ARHGEF28: variants seen among roughly 807,000 people sequenced by gnomAD.
ARHGEF28 encodes 190 kDa guanine nucleotide exchange factor.
ARHGEF28 carries 152 observed loss-of-function variants against 206.6 expected under a neutral mutation model. The ratio of observed to expected loss-of-function variants is 0.74; its 90% CI spans 0.64 to 0.84. The LOEUF is 0.84. ARHGEF28 is among the 40% of genes least tolerant of loss of function. The pLI is 0.00. For missense variants in ARHGEF28, 2,028 were observed against 2,073.2 expected, an observed-to-expected ratio of 0.98 and a Z score of 0.42; for synonymous variants, 763 against 776.4, an observed-to-expected ratio of 0.98 and a Z score of 0.29.
chr5:73,806,416 A>ATATATACTATATATAGTATGTATATAG lies in ARHGEF28; in HGVS notation c.1024+11032_1024+11058dup, dbSNP rs1580643560. Among the ~76,000 whole-genome samples, 4 of 128,714 alleles carry ATATATACTATATATAGTATGTATATAG rather than the reference A, an allele frequency of 3.1e-5. No homozygotes were observed. The East Asian group carries it at 8.9e-4, about 29-fold the overall frequency. 84.4% of individuals were successfully genotyped at this position (128,714 alleles called of 152,430 possible). A position where few individuals can be genotyped will look rare whatever the true frequency, so the allele number is the denominator to read the frequency against. On this transcript the variant is annotated intron_variant, in intron 9 of 35. Transcript: ENST00000513042. ...TATATATACATATATAGATATATAG[A>ATATATACTATATATAGTATGTATATAG]TATATACTATATATAGTATGTATAT...
chr5:73,753,310 A>C, intron 4 of ARHGEF28, 108 bp downstream of exon 4: 1 of 1,206,724 alleles, frequency 8.3e-7, no homozygotes. Context: ...CCCACTTTTT[A>C]CCTGAACCTT....
chr5:73,632,951 C>T (rs1743460900), intron 1 of ARHGEF28, among the ~76,000 whole-genome samples: 1 of 151,722 alleles, frequency 6.6e-6, no homozygotes, highest in Non-Finnish European at 1.5e-5. Context: ...ATACAACTCA[C>T]CATAATGTAG....
chr5:73,712,046 T>C (rs1749283922), intron 2 of ARHGEF28, among the ~76,000 whole-genome samples: 1 of 152,180 alleles, frequency 6.6e-6, no homozygotes, highest in African/African-American at 2.4e-5. Context: ...ATCTATTAGA[T>C]GGCATGGTTT....
intron 16 of ARHGEF28, among the ~76,000 whole-genome samples, chr5:73,861,452 T>A (rs185117197): frequency 3.9e-5 from 6 of 152,264 alleles, no homozygotes; most frequent in African/African-American, 1.2e-4. Flanking sequence ...CATAAAAAAC[T>A]ATGGGAGCCT....
intron 2 of ARHGEF28, among the ~76,000 whole-genome samples, chr5:73,710,731 C>T (rs1749188490): frequency 6.6e-6 from 1 of 152,114 alleles, no homozygotes; most frequent in East Asian, 1.9e-4. Flanking sequence ...AAGACAGAGT[C>T]TTTCTCTGTT....
rs779554291 is a variant in ARHGEF28, at chr5:73,909,541, G to T, written c.4291G>T (p.Asp1431Tyr). Residue 1431 changes from aspartate to tyrosine, a missense_variant, in exon 34 of 36, where the codon GAC becomes TAC. This residue lies in a region of ARHGEF28 where 803 missense variants were observed against 768.0 expected (regional missense o/e 1.05). Coordinates refer to ENST00000513042, the MANE Select transcript of ARHGEF28 (RefSeq NM_001177693.2). ...GCAGGACCAGAAGTCTCGCGACGCG[G>T]ACAGGCAGCATGAGGAGCTGGCCAA... ...PLQDQKSRDA[D>Y]RQHEELANVH... 15 of 1,588,974 alleles carry T rather than the reference G, an allele frequency of 9.4e-6. 1 individual carries two copies. The South Asian group carries it at 1.7e-4, about 18-fold the overall frequency.
At chr5:73,778,674 A>G (rs1022213314) in intron 6 of ARHGEF28, among the ~76,000 whole-genome samples, 1 of 152,154 alleles carries the variant, frequency 6.6e-6, no homozygotes, top group African/African-American at 2.4e-5. Context: ...CTTGCCTGAC[A>G]AAGGGATTCT....
At chr5:73,725,554 A>C (rs1750222208) in intron 2 of ARHGEF28, among the ~76,000 whole-genome samples, 1 of 152,228 alleles carries the variant, frequency 6.6e-6, no homozygotes. Flanking sequence ...TAATCTTCTT[A>C]AGTGAAATTA....
chr5:73,757,089 T>G (rs1213517331), intron 4 of ARHGEF28, among the ~76,000 whole-genome samples: 2 of 152,244 alleles, frequency 1.3e-5, no homozygotes, highest in Non-Finnish European at 2.9e-5. Context: ...ATTTTTAATT[T>G]AATAGAGTTT....
chr5:73,798,909 G>A (rs1754981746), intron 9 of ARHGEF28, among the ~76,000 whole-genome samples: 1 of 151,688 alleles, frequency 6.6e-6, no homozygotes, highest in Non-Finnish European at 1.5e-5. Flanking sequence ...CCAACATGGT[G>A]AAACCCTGTT....
In ARHGEF28 at chr5:73,752,906, C is replaced by T; in HGVS notation, c.182-3C>T. 8 of 1,613,650 alleles carry T rather than the reference C, an allele frequency of 5.0e-6. No homozygotes were observed. The highest frequency in any genetic ancestry group is 6.8e-6 in the Non-Finnish European group (8 of 1,179,792). On this transcript the variant is annotated splice_polypyrimidine_tract_variant and splice_region_variant and intron_variant, in intron 3 of 35. Coordinates refer to ENST00000513042, the MANE Select transcript of ARHGEF28 (RefSeq NM_001177693.2). ...GTGAACTGTTCACTGTCTTGTTGTC[C>T]AGGCCATGGGCTTCAGGAGACGGTG... is the stretch of plus-strand genomic sequence containing the variant.
At chr5:73,721,578 AT>A (rs545011843) in intron 2 of ARHGEF28, among the ~76,000 whole-genome samples, 2 of 149,726 alleles carry the variant, frequency 1.3e-5, no homozygotes, top group East Asian at 2.0e-4. Context: ...GGCTAGCTGA[AT>A]TTTTTTTTTC....
chr5:73,862,005 G>A (rs1354875052), intron 16 of ARHGEF28, among the ~76,000 whole-genome samples: 2 of 151,894 alleles, frequency 1.3e-5, no homozygotes, highest in Non-Finnish European at 2.9e-5. Flanking sequence ...TAATTGTGAA[G>A]GTTAATATTC....
At chr5:73,851,379 A>G (rs1758690219) in intron 13 of ARHGEF28, among the ~76,000 whole-genome samples, 1 of 149,010 alleles carries the variant, frequency 6.7e-6, no homozygotes, top group Non-Finnish European at 1.5e-5. Context: ...ACTTCCAAAG[A>G]GTTACTTACT....
chr5:73,763,191 C>T (rs1006627303), intron 4 of ARHGEF28, among the ~76,000 whole-genome samples: 1 of 152,250 alleles, frequency 6.6e-6, no homozygotes, highest in East Asian at 1.9e-4. Context: ...ATGGCAGCAT[C>T]TTTTATACTG....
Position 73,873,094 on chromosome 5 carries a change from A to G in ARHGEF28, c.2662A>G (p.Ser888Gly), listed in dbSNP as rs746809982. 1.2e-6 allele frequency: 2 copies of G among 1,613,314 alleles called. No individual in the cohort carries two copies. The highest frequency in any genetic ancestry group is 1.6e-4 in the Middle Eastern group (1 of 6,082). Residue 888 changes from serine (S) to glycine (G), a missense_variant, in exon 22 of 36, where the codon AGC becomes GGC. Physicochemically the swap from Ser to Gly is moderately conservative, Grantham distance 56 (BLOSUM62 0). Coordinates refer to ENST00000513042, the MANE Select transcript of ARHGEF28 (RefSeq NM_001177693.2). ...GMKEELQLDH[S>G]TVDKIFPCLD... Reference sequence around the variant, plus strand: ...GAAAGAGGAGCTGCAGCTGGACCACAGCACCGTGGATAAAATTTTCCCCTG... The same window carrying G: ...GAAAGAGGAGCTGCAGCTGGACCACGGCACCGTGGATAAAATTTTCCCCTG...
chr5:73,773,606 A>G (rs1324163944), intron 4 of ARHGEF28, among the ~76,000 whole-genome samples: 1 of 152,142 alleles, frequency 6.6e-6, no homozygotes, highest in Non-Finnish European at 1.5e-5. Context: ...GTGTAGTGCA[A>G]TGGGTGGAAA....
At chr5:73,905,113 G>C (rs936674160) in intron 33 of ARHGEF28, 1 of 152,506 alleles carries the variant, frequency 6.6e-6, no homozygotes, top group Non-Finnish European at 1.5e-5. Context: ...CAAGCGAGCA[G>C]TACCACCTGA....
intron 1 of ARHGEF28, among the ~76,000 whole-genome samples, chr5:73,676,140 G>A (rs1239229959): frequency 4.1e-5 from 6 of 148,070 alleles, no homozygotes; most frequent in African/African-American, 7.5e-5. Context: ...GTGCGATCTC[G>A]GTTCACTGCA....
Sources: gnomAD v4.1 joint callset for allele counts (sites outside exome capture counted in the v4.1 genomes callset) on GRCh38, gnomAD v4.1.1 for gene constraint, gnomAD v4.1.1 regional missense constraint, MANE v1.5 for transcripts, NCBI Gene and HGNC (gene_info 2026-07-23, HGNC 2026-07-21) for gene names.